Variants in SIPA1L1 observed in about 807,000 individuals in gnomAD.
SIPA1L1 encodes the protein signal-induced proliferation-associated 1-like protein 1.
In SIPA1L1, 26 loss-of-function variants were observed where a neutral mutation model predicts 162.7. That is an observed-to-expected ratio of 0.16 (90% CI 0.12 to 0.22). The LOEUF (loss-of-function observed/expected upper bound fraction) is 0.22, where lower values mean the gene tolerates loss of function less well. Ranked by LOEUF, SIPA1L1 falls within the 10% of genes least tolerant of loss-of-function variation. SIPA1L1 has a pLI of 1.00. For missense variants in SIPA1L1, 1,874 were observed against 2,241.0 expected (o/e 0.84, Z 3.31); for synonymous variants, 829 against 837.4 (o/e 0.99, Z 0.17).
intron 14 of SIPA1L1, among the ~76,000 whole-genome samples, 163 bp downstream of exon 14, chr14:71,699,290 G>A (rs563739379): frequency 2.9e-4 from 44 of 152,298 alleles, no homozygotes; most frequent in African/African-American, 9.4e-4. Flanking sequence ...ATGGCTTCAT[G>A]GCTGGTTTAA....
At chr14:71,323,758 T>C (rs1297942032) in intron 2 of SIPA1L1, among the ~76,000 whole-genome samples, 1 of 152,170 alleles carries the variant, frequency 6.6e-6, no homozygotes, top group Non-Finnish European at 1.5e-5. Flanking sequence ...GCAATATTTA[T>C]TGAATGCTGC....
intron 2 of SIPA1L1, among the ~76,000 whole-genome samples, chr14:71,418,938 T>A (rs966720890): frequency 6.6e-6 from 1 of 152,196 alleles, no homozygotes; most frequent in Non-Finnish European, 1.5e-5. Flanking sequence ...TAGCGTTGAA[T>A]GTCCTTGGCT....
At chr14:71,409,807 C>A (rs1258763130) in intron 2 of SIPA1L1, among the ~76,000 whole-genome samples, 2 of 152,146 alleles carry the variant, frequency 1.3e-5, no homozygotes, top group African/African-American at 4.8e-5. Flanking sequence ...AGTGTTCTTG[C>A]AACATTTTTG....
In SIPA1L1 at chr14:71,723,864, G is replaced by T. The variant is rs1323134081; in HGVS notation, c.4426G>T (p.Val1476Leu). 6.2e-7 allele frequency: 1 copy of T among 1,614,082 alleles called. No individual in the cohort carries two copies. The highest frequency in any genetic ancestry group is 8.5e-7 in the Non-Finnish European group (1 of 1,180,040). ...AAAACCCGAAGGAACCATAAACTCCGTGGGATTTATGGACACGAGAAAGTA... is the reference window on the plus strand; with the variant it reads ...AAAACCCGAAGGAACCATAAACTCCTTGGGATTTATGGACACGAGAAAGTA... ...WKKPEGTINS[V>L]GFMDTRKRHQ... Residue 1476 changes from valine (V) to leucine (L), a missense_variant, in exon 18 of 24, where the codon GTG becomes TTG. By Grantham distance (32) the Val-to-Leu change is conservative. This residue lies in a region of SIPA1L1 where 936 missense variants were observed against 1,051.9 expected (regional missense o/e 0.89). Coordinates refer to ENST00000381232, the MANE Select transcript of SIPA1L1 (RefSeq NM_001386936.1).
intron 4 of SIPA1L1, among the ~76,000 whole-genome samples, chr14:71,546,845 A>C (rs1377002862): frequency 6.6e-6 from 1 of 152,112 alleles, no homozygotes; most frequent in Non-Finnish European, 1.5e-5. Context: ...TGGACATCTC[A>C]CTTGATCTGG....
At chr14:71,462,201 C>T (rs562143949) in intron 2 of SIPA1L1, among the ~76,000 whole-genome samples, 35 of 152,316 alleles carry the variant, frequency 2.3e-4, no homozygotes, top group African/African-American at 7.7e-4. Context: ...AAAGAGCTGT[C>T]TCTCAAAAGG....
rs572565213 is a variant in SIPA1L1 at position 71,543,810 on chromosome 14, T to TATATGTATGTGTATATATACATATATC, written c.-303+14471_-303+14497dup. ...AGATTATATATGTATATAATGTATG[T>TATATGTATGTGTATATATACATATATC]ATATGTATGTGTATATATACATATA... On this transcript the variant is annotated intron_variant, in intron 4 of 23. Coordinates refer to ENST00000381232, the MANE Select transcript of SIPA1L1 (RefSeq NM_001386936.1). Among the ~76,000 whole-genome samples the TATATGTATGTGTATATATACATATATC allele has an allele frequency of 3.3e-4, 49 of 149,828 alleles. 1 individual carries two copies. Among genetic ancestry groups the TATATGTATGTGTATATATACATATATC allele is most frequent in the Admixed American group, 1.3e-3 (20 of 14,952 alleles).
At chr14:71,583,881 G>C (rs962133685) in intron 4 of SIPA1L1, among the ~76,000 whole-genome samples, 10 of 152,224 alleles carry the variant, frequency 6.6e-5, no homozygotes, top group African/African-American at 2.4e-4. Flanking sequence ...AACAGACAGA[G>C]TACTGGTTGC....
At chr14:71,696,629 C>G (rs1206018898) in intron 13 of SIPA1L1, among the ~76,000 whole-genome samples, 1 of 152,226 alleles carries the variant, frequency 6.6e-6, no homozygotes, top group Non-Finnish European at 1.5e-5. Context: ...TCCCCCTTCT[C>G]TTCTTCATTT....
At chr14:71,442,233 A>G (rs1436022929) in intron 2 of SIPA1L1, among the ~76,000 whole-genome samples, 1 of 151,508 alleles carries the variant, frequency 6.6e-6, no homozygotes, top group Non-Finnish European at 1.5e-5. Flanking sequence ...TTGCGGGCTA[A>G]TTAAAAAAAT....
At chr14:71,668,157 G>A (rs1048103109) in intron 10 of SIPA1L1, among the ~76,000 whole-genome samples, 11 of 152,130 alleles carry the variant, frequency 7.2e-5, no homozygotes, top group Non-Finnish European at 8.8e-5. Context: ...GCTCTTTGAT[G>A]CCAACCAATG....
chr14:71,656,951 G>A (rs1055699641), intron 8 of SIPA1L1, among the ~76,000 whole-genome samples: 2 of 152,234 alleles, frequency 1.3e-5, no homozygotes, highest in African/African-American at 4.8e-5. Context: ...AGCTGATGCT[G>A]TGCATACTAA....
chr14:71,551,531 G>A (rs1311597852), intron 4 of SIPA1L1, among the ~76,000 whole-genome samples: 1 of 152,120 alleles, frequency 6.6e-6, no homozygotes, highest in Non-Finnish European at 1.5e-5. Flanking sequence ...TGCCTAGTTG[G>A]CTCTACTACC....
At chr14:71,543,306 G>T (rs2054642268) in intron 4 of SIPA1L1, among the ~76,000 whole-genome samples, 1 of 152,084 alleles carries the variant, frequency 6.6e-6, no homozygotes. Context: ...TTAAGATTTG[G>T]GTTTCTGATT....
At chr14:71,596,703 G>A (rs1188764529) in intron 5 of SIPA1L1, among the ~76,000 whole-genome samples, 1 of 152,164 alleles carries the variant, frequency 6.6e-6, no homozygotes, top group Non-Finnish European at 1.5e-5. Flanking sequence ...GTGCAGTTAA[G>A]ATGAATGGGA....
intron 2 of SIPA1L1, among the ~76,000 whole-genome samples, chr14:71,483,262 T>C (rs1425735575): frequency 2.0e-5 from 3 of 152,226 alleles, no homozygotes; most frequent in Admixed American, 2.0e-4. Context: ...TTTCTATTAA[T>C]AACAGATGAT....
At chr14:71,356,579 A>AAAAAAAAAAAAAAAAAAAAAAAAAAAAC (rs1302917247) in intron 2 of SIPA1L1, among the ~76,000 whole-genome samples, 1 of 143,848 alleles carries the variant, frequency 7.0e-6, no homozygotes, top group Non-Finnish European at 1.5e-5. Context: ...AAAAAAAAAA[A>AAAAAAAAAAAAAAAAAAAAAAAAAAAAC]AAAAAAAAGC....
At chr14:71,382,999 A>G (rs1000506015) in intron 2 of SIPA1L1, among the ~76,000 whole-genome samples, 3 of 152,176 alleles carry the variant, frequency 2.0e-5, no homozygotes, top group Admixed American at 1.3e-4. Context: ...TGTGGGAGGT[A>G]GTATTTAAGC....
chr14:71,467,433 G>A (rs145505836), intron 2 of SIPA1L1, among the ~76,000 whole-genome samples: 42 of 152,062 alleles, frequency 2.8e-4, no homozygotes, highest in Non-Finnish European at 4.3e-4. Context: ...TAATTTTGTC[G>A]TGCTTAATGC....
Sources: allele counts gnomAD v4.1 joint callset (sites outside exome capture counted in the v4.1 genomes callset), GRCh38; gene constraint gnomAD v4.1.1; regional missense constraint gnomAD v4.1.1; transcripts MANE v1.5; gene names NCBI Gene and HGNC (gene_info 2026-07-23, HGNC 2026-07-21).